Variants in TCF7L2 observed in about 807,000 individuals in gnomAD.
The protein encoded by TCF7L2 is transcription factor 7-like 2.
In TCF7L2, 23 loss-of-function variants were observed where a neutral mutation model predicts 77.9. The observed-to-expected ratio is 0.30, with a 90% CI of 0.21 to 0.42. TCF7L2 has a LOEUF of 0.42. TCF7L2 is among the 10% of genes least tolerant of loss of function. TCF7L2 has a pLI of 1.00. For synonymous variants in TCF7L2, 413 were observed against 340.2 expected (o/e 1.21, Z -2.36); for missense variants, 654 against 793.1 (o/e 0.82, Z 2.11).
chr10:113,011,101 C>T lies in TCF7L2; in HGVS notation c.451-28924C>T, dbSNP rs141356057. On this transcript the variant is annotated intron_variant, in intron 4 of 13. Transcript: ENST00000627217. Reference sequence around the variant, plus strand: ...TTGGTGTCCTTACCTTGAAGAAACCCTGCTTTAGTTGGAGTATCCTTAATG... The same window carrying T: ...TTGGTGTCCTTACCTTGAAGAAACCTTGCTTTAGTTGGAGTATCCTTAATG... 7.2e-3 allele frequency among the ~76,000 whole-genome samples: 1,095 copies of T among 152,322 alleles called. 12 individuals are homozygous for T. The highest frequency in any genetic ancestry group is 0.024 in the Middle Eastern group (7 of 294).
chr10:113,008,524 G>A (rs138103846), intron 4 of TCF7L2, among the ~76,000 whole-genome samples: 61 of 152,274 alleles, frequency 4.0e-4, no homozygotes, highest in African/African-American at 1.5e-3. Context: ...CGCCTTCATG[G>A]TTTTTGGCAT....
intron 3 of TCF7L2, among the ~76,000 whole-genome samples, chr10:112,962,898 C>T (rs1404545014): frequency 6.6e-6 from 1 of 152,198 alleles, no homozygotes; most frequent in Non-Finnish European, 1.5e-5. Flanking sequence ...TGCGCCCTGC[C>T]AGCGGTTCAC....
At chr10:113,117,225 AG>A (rs2063836384) in intron 5 of TCF7L2, among the ~76,000 whole-genome samples, 1 of 152,210 alleles carries the variant, frequency 6.6e-6, no homozygotes, top group Non-Finnish European at 1.5e-5. Context: ...TTCATCCCTA[AG>A]TATAACAAAT....
At chr10:113,051,288 T>C (rs527759175) in intron 5 of TCF7L2, among the ~76,000 whole-genome samples, 10 of 150,992 alleles carry the variant, frequency 6.6e-5, no homozygotes, top group Non-Finnish European at 1.2e-4. Flanking sequence ...AGGACCCTCA[T>C]TTGTAGAAGG....
chr10:113,014,725 G>A (rs993918423), intron 4 of TCF7L2, among the ~76,000 whole-genome samples: 28 of 152,170 alleles, frequency 1.8e-4, no homozygotes, highest in African/African-American at 6.5e-4. Flanking sequence ...GGCGGAGGCT[G>A]CAGTGAGCCA....
At chr10:113,096,202 T>C (rs933988715) in intron 5 of TCF7L2, among the ~76,000 whole-genome samples, 1 of 152,168 alleles carries the variant, frequency 6.6e-6, no homozygotes, top group Non-Finnish European at 1.5e-5. Flanking sequence ...CTTATCTGCC[T>C]ATCAGTCAGC....
intron 5 of TCF7L2, among the ~76,000 whole-genome samples, chr10:113,050,677 A>T (rs2054268326): frequency 6.6e-6 from 1 of 152,188 alleles, no homozygotes; most frequent in African/African-American, 2.4e-5. Context: ...CTTCAGCCAA[A>T]GCTCATAAAT....
At chr10:113,032,236 C>T (rs778129635) in intron 4 of TCF7L2, among the ~76,000 whole-genome samples, 2 of 152,118 alleles carry the variant, frequency 1.3e-5, no homozygotes, top group Non-Finnish European at 2.9e-5. Context: ...ACCGATTGTC[C>T]GTGTGTGAGC....
At chr10:113,039,578 G>A (rs765272829) in intron 4 of TCF7L2, among the ~76,000 whole-genome samples, 1 of 152,174 alleles carries the variant, frequency 6.6e-6, no homozygotes, top group Non-Finnish European at 1.5e-5. Context: ...GATGACATTT[G>A]AAAAACGGAG....
chr10:113,117,967 A>T, intron 5 of TCF7L2, among the ~76,000 whole-genome samples: 1 of 99,406 alleles, frequency 1.0e-5, no homozygotes, highest in Non-Finnish European at 1.9e-5. Context: ...GCTCGCCCCC[A>T]CCCCCCGCCC....
intron 4 of TCF7L2, among the ~76,000 whole-genome samples, chr10:113,029,790 A>G (rs2134037840): frequency 6.6e-6 from 1 of 152,004 alleles, no homozygotes; most frequent in Non-Finnish European, 1.5e-5. Flanking sequence ...CGGCCTCCCA[A>G]AGTGCTGGGA....
intron 5 of TCF7L2, among the ~76,000 whole-genome samples, chr10:113,072,030 A>T (rs1464892618): frequency 6.6e-6 from 1 of 151,432 alleles, no homozygotes; most frequent in African/African-American, 2.4e-5. Context: ...CTTTTTAAAA[A>T]TTTTTAATTT....
At chr10:113,157,883 G>A in intron 11 of TCF7L2, 138 bp from the exon 12 acceptor site, 1 of 862,936 alleles carries the variant, frequency 1.2e-6, no homozygotes, top group Non-Finnish European at 1.8e-6. Context: ...GTTGGAGGTT[G>A]GACAAATACC....
intron 5 of TCF7L2, among the ~76,000 whole-genome samples, chr10:113,088,426 G>C (rs986921969): frequency 2.0e-5 from 3 of 152,098 alleles, no homozygotes; most frequent in Non-Finnish European, 2.9e-5. Flanking sequence ...TACCTCATAA[G>C]GTAGGGGTGA....
intron 5 of TCF7L2, among the ~76,000 whole-genome samples, chr10:113,113,266 G>C (rs147411074): frequency 4.5e-4 from 68 of 152,236 alleles, no homozygotes; most frequent in Non-Finnish European, 6.5e-4. Flanking sequence ...TCGCTAATAA[G>C]AGCACAAACA....
Position 113,068,429 on chromosome 10 carries a change from G to A in TCF7L2, c.552+28303G>A, listed in dbSNP as rs188201696. Among the ~76,000 whole-genome samples the A allele has an allele frequency of 3.9e-5, 6 of 152,310 alleles. No homozygotes were observed. The East Asian group carries it at 1.2e-3, about 29-fold the overall frequency. ...TCGTGAGCAAGCCAGGATGCTGGGA[G>A]AGGGATGGGAGGTGGCCTTTTGGAA... On this transcript the variant is annotated intron_variant, in intron 5 of 13. Transcript: ENST00000627217.
At chr10:113,130,795 C>T (rs888504100) in intron 5 of TCF7L2, among the ~76,000 whole-genome samples, 5 of 151,632 alleles carry the variant, frequency 3.3e-5, no homozygotes, top group African/African-American at 9.7e-5. Context: ...GACGGAGTTT[C>T]GCTCTTATTA....
intron 5 of TCF7L2, among the ~76,000 whole-genome samples, chr10:113,075,933 C>T (rs934915495): frequency 3.3e-5 from 5 of 151,772 alleles, no homozygotes; most frequent in Non-Finnish European, 4.4e-5. Flanking sequence ...GTCAGGAGTT[C>T]GAGACACACC....
intron 5 of TCF7L2, among the ~76,000 whole-genome samples, chr10:113,086,738 G>GT (rs2059875618): frequency 7.0e-6 from 1 of 142,172 alleles, no homozygotes; most frequent in Non-Finnish European, 1.5e-5. Context: ...TTATTTGTTT[G>GT]TTTTTTAAGA....
Sources: allele counts gnomAD v4.1 joint callset (sites outside exome capture counted in the v4.1 genomes callset), GRCh38; gene constraint gnomAD v4.1.1; transcripts MANE v1.5; gene names NCBI Gene and HGNC (gene_info 2026-07-23, HGNC 2026-07-21).